GLCCI1: variants seen among roughly 807,000 people sequenced by gnomAD.
The protein encoded by GLCCI1 is glucocorticoid induced 1.
Under a neutral mutation model 52.2 loss-of-function variants are expected in GLCCI1, and 24 were observed. The ratio of observed to expected loss-of-function variants is 0.46; its 90% CI spans 0.33 to 0.65. The LOEUF (loss-of-function observed/expected upper bound fraction) is 0.65, where lower values mean the gene tolerates loss of function less well. GLCCI1 is among the 30% of genes least tolerant of loss of function. The pLI, the probability that GLCCI1 is intolerant of heterozygous loss-of-function variation, is 0.02. For synonymous variants in GLCCI1, 310 were observed against 276.5 expected (o/e 1.12, Z -1.20); for missense variants, 704 against 701.5 (o/e 1.00, Z -0.04).
In GLCCI1 at chr7:7,995,309, G is replaced by C. The variant is rs374897022; in HGVS notation, c.458-8599G>C. Among the ~76,000 whole-genome samples, 7 of 152,264 alleles carry C rather than the reference G, an allele frequency of 4.6e-5. No individual in the cohort carries two copies. In the East Asian group the frequency reaches 1.4e-3, roughly 29 times the overall value. ...AAATCATTTGAGCCCAGGAGTTCCA[G>C]ACCGTCCTGGGCAATATGGCAAAAC... On this transcript the variant is annotated intron_variant, in intron 1 of 7. Transcript: ENST00000223145.
At chr7:8,056,628 T>A (rs1027077697) in intron 4 of GLCCI1, among the ~76,000 whole-genome samples, 1 of 152,160 alleles carries the variant, frequency 6.6e-6, no homozygotes, top group African/African-American at 2.4e-5. Flanking sequence ...TTCACAAAGA[T>A]AAGGATGATT....
rs1300204546 is a variant in GLCCI1 at position 8,086,547 on chromosome 7, G to C, written c.*9G>C. 1.3e-6 allele frequency: 2 copies of C among 1,568,136 alleles called. No homozygotes were observed. The highest frequency in any genetic ancestry group is 4.5e-5 in the East Asian group (2 of 44,524). On this transcript the variant is annotated 3_prime_UTR_variant, in exon 8 of 8. Transcript: ENST00000223145. The surrounding 1 kb of genome is among the most constrained non-coding windows in gnomAD (Gnocchi z 4.4). ...ACTATGTGATCATCTAAAAAAGGGG[G>C]AGCTGGCCTCCACCCTATGTTCCAT... is the stretch of plus-strand genomic sequence containing the variant.
intron 5 of GLCCI1, among the ~76,000 whole-genome samples, chr7:8,066,959 C>A (rs1782642732): frequency 6.6e-6 from 1 of 152,144 alleles, no homozygotes; most frequent in African/African-American, 2.4e-5. Context: ...CCTCAGTGAT[C>A]TGGCTAATAC....
intron 3 of GLCCI1, among the ~76,000 whole-genome samples, chr7:8,038,858 A>G (rs987131711): frequency 7.9e-5 from 12 of 152,324 alleles, no homozygotes; most frequent in Middle Eastern, 6.8e-3. Flanking sequence ...TGCAAACTAT[A>G]TATCTGACAA....
intron 5 of GLCCI1, 145 bp from the exon 6 acceptor site, chr7:8,070,776 T>A (rs1782744084): frequency 1.5e-6 from 1 of 657,792 alleles, no homozygotes; most frequent in Non-Finnish European, 2.6e-6. Flanking sequence ...GAAATTAGCT[T>A]AAGACACAAG....
intron 5 of GLCCI1, among the ~76,000 whole-genome samples, chr7:8,068,904 A>G (rs1269367119): frequency 6.6e-6 from 1 of 152,212 alleles, no homozygotes; most frequent in East Asian, 1.9e-4. Context: ...TTAACTAAGT[A>G]TTTTCAGTAT....
chr7:8,016,524 C>A (rs780036448), intron 2 of GLCCI1, among the ~76,000 whole-genome samples: 1 of 152,026 alleles, frequency 6.6e-6, no homozygotes, highest in Admixed American at 6.6e-5. Context: ...AAAATTAGGT[C>A]ATAGTTTACG....
chr7:8,025,473 C>T (rs1005281859), intron 3 of GLCCI1, among the ~76,000 whole-genome samples: 3 of 151,742 alleles, frequency 2.0e-5, no homozygotes, highest in Non-Finnish European at 2.9e-5. Flanking sequence ...AACAGATTTG[C>T]GATGGCAGAA....
chr7:7,976,479 C>CAAAAAAAAAAAAAAAAAAAAAAA (rs35255634), intron 1 of GLCCI1, among the ~76,000 whole-genome samples: 6 of 24,678 alleles, frequency 2.4e-4, no homozygotes, highest in African/African-American at 1.2e-3. Flanking sequence ...AACTCCATCT[C>CAAAAAAAAAAAAAAAAAAAAAAA]AAAAAAAAAA....
intron 4 of GLCCI1, among the ~76,000 whole-genome samples, chr7:8,057,428 C>T (rs1302924177): frequency 6.6e-6 from 1 of 151,966 alleles, no homozygotes; most frequent in South Asian, 2.1e-4. Context: ...AAACATCATG[C>T]TAAGTGAAAG....
chr7:8,006,693 C>G (rs1299977743), intron 2 of GLCCI1, among the ~76,000 whole-genome samples: 1 of 152,138 alleles, frequency 6.6e-6, no homozygotes, highest in Admixed American at 6.5e-5. Flanking sequence ...GACAAATAAT[C>G]TTCATATGGA....
chr7:7,984,921 A>G (rs2115411002), intron 1 of GLCCI1, among the ~76,000 whole-genome samples: 1 of 152,372 alleles, frequency 6.6e-6, no homozygotes, highest in East Asian at 1.9e-4. Context: ...CTTATATTGG[A>G]TAAATATCCC....
chr7:8,030,559 GCTT>G (rs1781724007), intron 3 of GLCCI1, among the ~76,000 whole-genome samples: 1 of 152,068 alleles, frequency 6.6e-6, no homozygotes, highest in Admixed American at 6.6e-5. Context: ...AAGTTAGAAA[GCTT>G]CTGCACAGCA....
chr7:8,031,812 A>G (rs925541529), intron 3 of GLCCI1, among the ~76,000 whole-genome samples: 3 of 152,100 alleles, frequency 2.0e-5, no homozygotes, highest in Non-Finnish European at 2.9e-5. Context: ...ATATCAGGCA[A>G]TGTAGACTTT....
At chr7:8,002,579 A>G (rs1781071354) in intron 1 of GLCCI1, among the ~76,000 whole-genome samples, 2 of 152,216 alleles carry the variant, frequency 1.3e-5, no homozygotes, top group Non-Finnish European at 2.9e-5. Context: ...ATATGATAAC[A>G]TGCATTTTCT....
chr7:8,027,663 A>G (rs1414132908), intron 3 of GLCCI1, among the ~76,000 whole-genome samples: 1 of 151,998 alleles, frequency 6.6e-6, no homozygotes, highest in Non-Finnish European at 1.5e-5. Context: ...CAAACAAAAG[A>G]CAACGAGTGG....
Position 8,086,541 on chromosome 7 carries a change from A to C in GLCCI1, c.*3A>C, listed in dbSNP as rs1783110493. 2 of 1,573,426 alleles carry C rather than the reference A, an allele frequency of 1.3e-6. No individual in the cohort carries two copies. Among genetic ancestry groups the C allele is most frequent in the Middle Eastern group, 1.7e-4 (1 of 5,780 alleles). On this transcript the variant is annotated 3_prime_UTR_variant, in exon 8 of 8. Coordinates refer to ENST00000223145, the MANE Select transcript of GLCCI1 (RefSeq NM_138426.4). The surrounding 1 kb of genome is among the most constrained non-coding windows in gnomAD (Gnocchi z 4.4). ...CTCAGAACTATGTGATCATCTAAAA[A>C]AGGGGGAGCTGGCCTCCACCCTATG...
intron 5 of GLCCI1, among the ~76,000 whole-genome samples, chr7:8,065,868 C>T (rs1324081749): frequency 6.6e-6 from 1 of 152,030 alleles, no homozygotes; most frequent in Non-Finnish European, 1.5e-5. Context: ...TTGTTGTCAT[C>T]GTCATGTCTC....
intron 7 of GLCCI1, among the ~76,000 whole-genome samples, chr7:8,085,471 A>ATTTCTT (rs1783085173): frequency 1.3e-5 from 2 of 152,188 alleles, no homozygotes; most frequent in Non-Finnish European, 2.9e-5. Flanking sequence ...ATGAAATTTT[A>ATTTCTT]ATATGTGTAA....
Sources: gnomAD v4.1 joint callset for allele counts (sites outside exome capture counted in the v4.1 genomes callset) on GRCh38, gnomAD v4.1.1 for gene constraint, Gnocchi (gnomAD v3.1) non-coding constraint, MANE v1.5 for transcripts, NCBI Gene and HGNC (gene_info 2026-07-23, HGNC 2026-07-21) for gene names.